VDAC1: variants seen among roughly 807,000 people sequenced by gnomAD.
VDAC1 encodes voltage dependent anion channel 1.
Under a neutral mutation model 34.7 loss-of-function variants are expected in VDAC1, and 10 were observed. That is an observed-to-expected ratio of 0.29 (90% confidence interval 0.18 to 0.49). The LOEUF is 0.49. VDAC1 is among the 20% of genes least tolerant of loss of function. VDAC1 has a pLI of 0.99. For synonymous variants in VDAC1, 130 were observed against 136.0 expected, an observed-to-expected ratio of 0.96 and a Z score of 0.30; for missense variants, 230 against 347.9, an observed-to-expected ratio of 0.66 and a Z score of 2.69.
chr5:134,086,344 T>C, the VDAC1 span, among the ~76,000 whole-genome samples: 10 of 152,278 alleles, frequency 6.6e-5, no homozygotes, highest in Admixed American at 3.3e-4. Flanking sequence ...TAGGCAGCCC[T>C]TGGGAGATTG....
the VDAC1 span, among the ~76,000 whole-genome samples, chr5:134,056,321 A>T: frequency 6.6e-6 from 1 of 151,962 alleles, no homozygotes. Flanking sequence ...TGCATAAATC[A>T]GTACATAAAG....
At chr5:134,050,874 A>C in the VDAC1 span, among the ~76,000 whole-genome samples, 6 of 151,792 alleles carry the variant, frequency 4.0e-5, no homozygotes, top group Non-Finnish European at 8.8e-5. Flanking sequence ...AAAACAATCC[A>C]CCCCTTCCCA....
upstream of VDAC1, among the ~76,000 whole-genome samples, chr5:134,008,496 G>A (rs574375143): frequency 3.3e-5 from 5 of 152,282 alleles, no homozygotes; most frequent in African/African-American, 1.2e-4. Flanking sequence ...TTCATTTTAG[G>A]GAGTTTTTGG....
chr5:134,084,707 G>T, the VDAC1 span, among the ~76,000 whole-genome samples: 9 of 152,272 alleles, frequency 5.9e-5, no homozygotes, highest in African/African-American at 1.9e-4. Flanking sequence ...AACCCACAGA[G>T]CTGTGGTGGG....
the VDAC1 span, among the ~76,000 whole-genome samples, chr5:134,097,587 C>T: frequency 1.3e-5 from 2 of 152,348 alleles, no homozygotes; most frequent in African/African-American, 2.4e-5. Context: ...TCGGCCACCT[C>T]GGTTCACCCT....
At chr5:133,992,886 G>T in intron 2 of VDAC1, 60 bp downstream of exon 2, 1 of 1,539,680 alleles carries the variant, frequency 6.5e-7, no homozygotes, top group East Asian at 2.3e-5. Flanking sequence ...TATCGGTAAA[G>T]TCTCAAACAT....
chr5:133,976,004 A>C lies in VDAC1; in HGVS notation c.569T>G (p.Phe190Cys). 1 of 1,614,084 alleles carries C rather than the reference A, an allele frequency of 6.2e-7. No individual in the cohort carries two copies. Among genetic ancestry groups the C allele is most frequent in the South Asian group, 1.1e-5 (1 of 91,064 alleles). The change falls in exon 7 of 9, where the codon TTT (phenylalanine) becomes TGT (cysteine). Residue 190 changes from phenylalanine to cysteine, a missense_variant. Phe to Cys is a radical substitution (Grantham distance 205). Coordinates refer to ENST00000265333, the MANE Select transcript of VDAC1 (RefSeq NM_003374.3). ...CACTTTCTGGTAAATGGAGCCGCCA[A>C]ACTCTGTCCCGTCATTCCTGCAAAC... is the stretch of plus-strand genomic sequence containing the variant. ...LHTNVNDGTE[F>C]GGSIYQKVNK...
At chr5:134,092,571 G>T in the VDAC1 span, among the ~76,000 whole-genome samples, 1 of 151,920 alleles carries the variant, frequency 6.6e-6, no homozygotes, top group Non-Finnish European at 1.5e-5. Context: ...AGCTACTCTG[G>T]AGGCTGAGGC....
In VDAC1 at chr5:133,991,040, C is replaced by T. The variant is rs1753083895; in HGVS notation, c.232G>A (p.Asp78Asn). 1.2e-6 allele frequency: 2 copies of T among 1,614,120 alleles called. No homozygotes were observed. The highest frequency in any genetic ancestry group is 1.1e-5 in the South Asian group (1 of 91,076). Residue 78 changes from aspartate to asparagine, a missense_variant, in exon 4 of 9, where the codon GAC becomes AAC. Coordinates refer to ENST00000265333, the MANE Select transcript of VDAC1 (RefSeq NM_003374.3). ...GTAATCTCGGTGCCTAGTGTATTGT[C>T]GGTATTCCATTTCTCTGTAAACGTC... Reference protein sequence around the residue: ...GLTFTEKWNTDNTLGTEITVE... With the variant: ...GLTFTEKWNTNNTLGTEITVE...
At chr5:134,094,613 C>T in the VDAC1 span, among the ~76,000 whole-genome samples, 864 of 138,860 alleles carry the variant, frequency 6.2e-3, 4 homozygotes, top group African/African-American at 0.022. Context: ...AGGAGAATGG[C>T]GTGAACCCGG....
At chr5:134,024,950 G>A in the VDAC1 span, among the ~76,000 whole-genome samples, 1 of 152,198 alleles carries the variant, frequency 6.6e-6, no homozygotes, top group Non-Finnish European at 1.5e-5. Context: ...TCCAGCCCTG[G>A]CCAAGCTCCC....
At chr5:134,033,961 C>T in the VDAC1 span, among the ~76,000 whole-genome samples, 1 of 151,822 alleles carries the variant, frequency 6.6e-6, no homozygotes, top group East Asian at 1.9e-4. Flanking sequence ...CACCGCACTC[C>T]AGCCTGGGCA....
chr5:133,992,121 A>T (rs1753125047), intron 3 of VDAC1, among the ~76,000 whole-genome samples, 185 bp downstream of exon 3: 1 of 152,132 alleles, frequency 6.6e-6, no homozygotes, highest in Non-Finnish European at 1.5e-5. Context: ...CTGTAATCCC[A>T]GCTACTCGGT....
the VDAC1 span, among the ~76,000 whole-genome samples, chr5:134,031,209 C>T: frequency 6.6e-6 from 1 of 152,022 alleles, no homozygotes; most frequent in Non-Finnish European, 1.5e-5. Flanking sequence ...CAGTAAGGAA[C>T]ATTGAAGACC....
chr5:134,073,921 C>A, the VDAC1 span, among the ~76,000 whole-genome samples: 7 of 152,096 alleles, frequency 4.6e-5, no homozygotes, highest in Non-Finnish European at 8.8e-5. Context: ...ACCAATAACC[C>A]TAAGTGGGGG....
At chr5:134,011,176 T>C in the VDAC1 span, among the ~76,000 whole-genome samples, 1 of 152,160 alleles carries the variant, frequency 6.6e-6, no homozygotes, top group Non-Finnish European at 1.5e-5. Flanking sequence ...TTTCTTTGTT[T>C]TTAGTAGAGA....
At chr5:134,078,119 C>T in the VDAC1 span, among the ~76,000 whole-genome samples, 11 of 152,244 alleles carry the variant, frequency 7.2e-5, no homozygotes, top group South Asian at 2.3e-3. Flanking sequence ...CACTGCCCAA[C>T]ACCTGCTCTA....
At chr5:134,088,199 T>G in the VDAC1 span, among the ~76,000 whole-genome samples, 106,516 of 151,918 alleles carry the variant, frequency 0.7, 40,025 homozygotes, top group Non-Finnish European at 0.86. Context: ...AACAAGCAGC[T>G]CTGACAACTA....
the VDAC1 span, among the ~76,000 whole-genome samples, chr5:134,036,957 AAAAAAAC>A: frequency 3.1e-5 from 1 of 32,366 alleles, no homozygotes; most frequent in African/African-American, 1.4e-4. Flanking sequence ...CGTCTCAAAA[AAAAAAAC>A]AAAAAAACAA....
Sources: gnomAD v4.1 joint callset for allele counts (sites outside exome capture counted in the v4.1 genomes callset) on GRCh38, gnomAD v4.1.1 for gene constraint, MANE v1.5 for transcripts, NCBI Gene and HGNC (gene_info 2026-07-23, HGNC 2026-07-21) for gene names.